DACH2: variants seen among roughly 807,000 people sequenced by gnomAD.
DACH2 encodes dachshund homolog 2.
In DACH2, 17 loss-of-function variants were observed where a neutral mutation model predicts 35.8. The ratio of observed to expected loss-of-function variants is 0.48; its 90% CI spans 0.33 to 0.71. The LOEUF is 0.71. Ranked by LOEUF, DACH2 falls within the 30% of genes least tolerant of loss-of-function variation. DACH2 has a pLI of 0.02. For synonymous variants in DACH2, 195 were observed against 177.3 expected, an observed-to-expected ratio of 1.10 and a Z score of -0.79; for missense variants, 469 against 472.7, an observed-to-expected ratio of 0.99 and a Z score of 0.07.
intron 5 of DACH2, among the ~76,000 whole-genome samples, chrX:86,697,583 TAAAA>T (rs1177720257): frequency 1.8e-5 from 2 of 109,949 alleles, no homozygotes; most frequent in African/African-American, 3.3e-5. Context: ...ACTGAGAACT[TAAAA>T]AAACAACTAA....
chrX:86,659,514 C>A (rs896751299), intron 4 of DACH2, among the ~76,000 whole-genome samples: 2 of 111,371 alleles, frequency 1.8e-5, no homozygotes, highest in Non-Finnish European at 3.8e-5. Context: ...TATTAGCCAA[C>A]ACGTAATCAT....
chrX:86,294,022 C>T (rs74461603), intron 1 of DACH2, among the ~76,000 whole-genome samples: 1 of 111,859 alleles, frequency 8.9e-6, no homozygotes, highest in African/African-American at 3.2e-5. Flanking sequence ...AGAGTGTTTT[C>T]CAACTTGGTT....
At chrX:86,700,026 G>A (rs2041121757) in intron 5 of DACH2, among the ~76,000 whole-genome samples, 1 of 111,639 alleles carries the variant, frequency 9.0e-6, no homozygotes, top group South Asian at 3.7e-4. Flanking sequence ...TTTTAGTATT[G>A]ATTTCTGTTT....
chrX:86,506,616 AAC>A (rs1294579422), intron 2 of DACH2, among the ~76,000 whole-genome samples: 1 of 110,674 alleles, frequency 9.0e-6, no homozygotes, highest in African/African-American at 3.3e-5. Flanking sequence ...GCTCGTCTCA[AAC>A]TCCTGGCCTC....
At chrX:86,229,770 G>A (rs2032909415) in intron 1 of DACH2, among the ~76,000 whole-genome samples, 1 of 108,336 alleles carries the variant, frequency 9.2e-6, no homozygotes, top group African/African-American at 3.4e-5. Flanking sequence ...TTTCTGCTTG[G>A]TCATTGTTGG....
chrX:86,741,993 T>G (rs112773125), intron 7 of DACH2, among the ~76,000 whole-genome samples: 1 of 110,953 alleles, frequency 9.0e-6, no homozygotes, highest in East Asian at 2.8e-4. Flanking sequence ...AAAAATATAT[T>G]TATGATATAA....
intron 3 of DACH2, among the ~76,000 whole-genome samples, chrX:86,552,136 G>A (rs1250882224): frequency 3.6e-5 from 4 of 111,352 alleles, no homozygotes; most frequent in Non-Finnish European, 3.8e-5. Flanking sequence ...GTATGGAAAG[G>A]AATTGTAACC....
chrX:86,647,753 A>G (rs2040432424), intron 3 of DACH2, among the ~76,000 whole-genome samples: 1 of 110,899 alleles, frequency 9.0e-6, no homozygotes, highest in African/African-American at 3.3e-5. Context: ...TATGGTATAG[A>G]CTATGGTAAT....
In DACH2 at chrX:86,338,177, G is replaced by A. The variant is rs1307805636; in HGVS notation, c.489-38647G>A. Among the ~76,000 whole-genome samples the A allele has an allele frequency of 5.4e-5, 6 of 111,362 alleles. No homozygotes were observed. The Admixed American group carries it at 5.7e-4, about 11-fold the overall frequency. Reference sequence around the variant, plus strand: ...ATCAACAAGACACAAAATTAGTAAGGATATTCAGGACTTGAACTCTGCTCT... The same window carrying A: ...ATCAACAAGACACAAAATTAGTAAGAATATTCAGGACTTGAACTCTGCTCT... On this transcript the variant is annotated intron_variant, in intron 1 of 11. Transcript: ENST00000373125.
chrX:86,794,226 A>C (rs756468508), intron 7 of DACH2, among the ~76,000 whole-genome samples: 1 of 110,730 alleles, frequency 9.0e-6, no homozygotes, highest in East Asian at 2.9e-4. Context: ...ACAGTATTGC[A>C]AAAAGACACC....
At chrX:86,294,965 G>T (rs1357979127) in intron 1 of DACH2, among the ~76,000 whole-genome samples, 3 of 112,023 alleles carry the variant, frequency 2.7e-5, no homozygotes, top group East Asian at 2.8e-4. Context: ...CGAGCTTCCT[G>T]GCTGCTTTGT....
intron 3 of DACH2, among the ~76,000 whole-genome samples, chrX:86,551,500 G>T (rs1042026225): frequency 8.9e-6 from 1 of 111,920 alleles, no homozygotes; most frequent in Non-Finnish European, 1.9e-5. Context: ...ATGTAAGAGT[G>T]GTATCTCCAT....
At chrX:86,458,213 C>A (rs1452509891) in intron 2 of DACH2, among the ~76,000 whole-genome samples, 2 of 111,703 alleles carry the variant, frequency 1.8e-5, no homozygotes, top group Admixed American at 9.6e-5. Flanking sequence ...AGTTCATACT[C>A]TTTTGCATCA....
intron 7 of DACH2, among the ~76,000 whole-genome samples, chrX:86,777,835 A>T (rs2042050735): frequency 8.9e-6 from 1 of 111,816 alleles, no homozygotes; most frequent in Admixed American, 9.6e-5. Context: ...CTTTAATGAC[A>T]ATAGTATCTA....
intron 7 of DACH2, among the ~76,000 whole-genome samples, chrX:86,797,565 A>C: frequency 8.9e-6 from 1 of 111,735 alleles, no homozygotes; most frequent in East Asian, 2.8e-4. Flanking sequence ...AATATTTGTA[A>C]CAATAGTAAG....
intron 7 of DACH2, among the ~76,000 whole-genome samples, chrX:86,766,092 C>T (rs1272655717): frequency 9.1e-6 from 1 of 110,391 alleles, no homozygotes; most frequent in Non-Finnish European, 1.9e-5. Context: ...AAGCTTCTCT[C>T]CTTTCTTCTC....
chrX:86,180,090 C>T (rs977656287), intron 1 of DACH2, among the ~76,000 whole-genome samples: 5 of 100,977 alleles, frequency 5.0e-5, no homozygotes, highest in Non-Finnish European at 1.0e-4. Context: ...TATATTGTGT[C>T]TTTATCCAAC....
intron 2 of DACH2, among the ~76,000 whole-genome samples, chrX:86,493,595 T>C (rs184481339): frequency 4.5e-5 from 5 of 111,571 alleles, no homozygotes; most frequent in African/African-American, 6.5e-5. Flanking sequence ...CATGCATGTG[T>C]GCATGCATAT....
intron 1 of DACH2, among the ~76,000 whole-genome samples, chrX:86,203,089 GT>G (rs770001868): frequency 8.1e-5 from 9 of 111,182 alleles, no homozygotes; most frequent in African/African-American, 1.9e-4. Context: ...AAACAATTCT[GT>G]TTTTCAAGTG....
Sources: gnomAD v4.1 joint callset for allele counts (sites outside exome capture counted in the v4.1 genomes callset) on GRCh38, gnomAD v4.1.1 for gene constraint, MANE v1.5 for transcripts, NCBI Gene and HGNC (gene_info 2026-07-23, HGNC 2026-07-21) for gene names.